B3GAT2: variants seen among roughly 807,000 people sequenced by gnomAD.
The protein encoded by B3GAT2 is galactosylgalactosylxylosylprotein 3-beta-glucuronosyltransferase 2.
A neutral mutation model predicts 27.8 loss-of-function variants in B3GAT2; 26 were observed. That is an observed-to-expected ratio of 0.93 (90% CI 0.68 to 1.30). The LOEUF is 1.30. Among genes scored for constraint, B3GAT2 ranks in the 50% most tolerant of loss-of-function variants. The probability of loss-of-function intolerance (pLI) is 0.00; values close to 1 mark genes in which losing one functional copy is unlikely to be tolerated. For missense variants in B3GAT2, 458 were observed against 459.0 expected (o/e 1.00, Z 0.02); for synonymous variants, 218 against 195.1 (o/e 1.12, Z -0.98).
At chr6:70,872,105 G>T (rs959234435) in intron 2 of B3GAT2, among the ~76,000 whole-genome samples, 1 of 151,846 alleles carries the variant, frequency 6.6e-6, no homozygotes, top group African/African-American at 2.4e-5. Flanking sequence ...CTGCTTTATG[G>T]CCTAAGATGG....
chr6:70,903,553 G>A lies in B3GAT2; in HGVS notation c.592-9281C>T, dbSNP rs191603342. ...AAAAAAGTCAGTGAAAGATATGAAT[G>A]GACATTTCATCAAGATATATGAATG... On this transcript the variant is annotated intron_variant, in intron 1 of 3. Coordinates refer to ENST00000230053, the MANE Select transcript of B3GAT2 (RefSeq NM_080742.3). 4.9e-3 allele frequency among the ~76,000 whole-genome samples: 748 copies of A among 151,708 alleles called. 3 individuals carry two copies. The highest frequency in any genetic ancestry group is 8.1e-3 in the Non-Finnish European group (547 of 67,932).
chr6:70,935,051 T>A (rs1773120897), intron 1 of B3GAT2, among the ~76,000 whole-genome samples: 1 of 152,128 alleles, frequency 6.6e-6, no homozygotes, highest in African/African-American at 2.4e-5. Context: ...TTTGTCATTG[T>A]AGATATGTGT....
chr6:70,870,027 C>G (rs1421617342), intron 2 of B3GAT2, among the ~76,000 whole-genome samples: 1 of 152,190 alleles, frequency 6.6e-6, no homozygotes, highest in East Asian at 1.9e-4. Context: ...TTGACCCAGC[C>G]ATCCCATTAC....
At position 70,956,730 on chromosome 6, in the gene B3GAT2, G is replaced by A. The variant is rs1253843150; in HGVS notation, c.-301C>T. 5 of 1,304,768 alleles carry A rather than the reference G, an allele frequency of 3.8e-6. No homozygotes were observed. Among genetic ancestry groups the A allele is most frequent in the South Asian group, 1.7e-5 (1 of 59,838 alleles). The allele number at this position is 1,304,768 out of a possible 1,614,324, so 80.8% of individuals were successfully genotyped here. ...CCAGCCGCGCGCCGCCGGTCCCGGA[G>A]TTGTGCCGAGTGCGGGAAAGGCGCT... On this transcript the variant is annotated 5_prime_UTR_variant, in exon 1 of 4. Coordinates refer to ENST00000230053, the MANE Select transcript of B3GAT2 (RefSeq NM_080742.3).
chr6:70,870,749 T>G (rs1193409216), intron 2 of B3GAT2, among the ~76,000 whole-genome samples: 1 of 152,164 alleles, frequency 6.6e-6, no homozygotes, highest in Non-Finnish European at 1.5e-5. Flanking sequence ...CTTTACAATC[T>G]GGATGCCTTT....
At chr6:70,904,972 A>G (rs1284212706) in intron 1 of B3GAT2, among the ~76,000 whole-genome samples, 10 of 152,202 alleles carry the variant, frequency 6.6e-5, no homozygotes, top group Admixed American at 6.5e-4. Flanking sequence ...ATTGGATGCA[A>G]AGAGGAAGAC....
At chr6:70,901,561 T>C (rs2150034938) in intron 1 of B3GAT2, among the ~76,000 whole-genome samples, 1 of 152,330 alleles carries the variant, frequency 6.6e-6, no homozygotes, top group East Asian at 1.9e-4. Context: ...AGCAACAAAA[T>C]AAATAATGGT....
intron 2 of B3GAT2, among the ~76,000 whole-genome samples, chr6:70,888,898 G>A (rs1772236282): frequency 6.6e-6 from 1 of 152,176 alleles, no homozygotes; most frequent in Admixed American, 6.5e-5. Context: ...AACTCCCCCA[G>A]TGGCTGTGGT....
intron 1 of B3GAT2, among the ~76,000 whole-genome samples, chr6:70,943,555 C>T (rs1007130529): frequency 6.6e-6 from 1 of 152,062 alleles, no homozygotes; most frequent in Non-Finnish European, 1.5e-5. Flanking sequence ...ATGATACACG[C>T]CTAGGAGACA....
chr6:70,940,796 C>T (rs1024280172), intron 1 of B3GAT2, among the ~76,000 whole-genome samples: 4 of 152,132 alleles, frequency 2.6e-5, no homozygotes, highest in African/African-American at 9.7e-5. Context: ...GGCATGATGG[C>T]TTGCACCTGT....
intron 1 of B3GAT2, among the ~76,000 whole-genome samples, chr6:70,941,442 A>G (rs765980298): frequency 1.3e-5 from 2 of 152,124 alleles, no homozygotes; most frequent in South Asian, 2.1e-4. Flanking sequence ...TGTTACGCCT[A>G]TGTGAGCTCC....
intron 1 of B3GAT2, among the ~76,000 whole-genome samples, chr6:70,895,940 T>C (rs1033743760): frequency 1.3e-5 from 2 of 152,182 alleles, no homozygotes; most frequent in Non-Finnish European, 2.9e-5. Context: ...TTGCAAGGCT[T>C]GCCCTTGGCT....
At chr6:70,895,782 T>G (rs1464853569) in intron 1 of B3GAT2, among the ~76,000 whole-genome samples, 1 of 152,140 alleles carries the variant, frequency 6.6e-6, no homozygotes, top group East Asian at 1.9e-4. Context: ...TATCATTTTT[T>G]CAATAAATGA....
intron 1 of B3GAT2, among the ~76,000 whole-genome samples, chr6:70,945,984 T>C (rs979221417): frequency 1.3e-5 from 2 of 151,486 alleles, no homozygotes; most frequent in African/African-American, 2.4e-5. Context: ...GCTTCATAAG[T>C]GAAGGAGAAA....
intron 1 of B3GAT2, among the ~76,000 whole-genome samples, chr6:70,932,878 C>T (rs1014906509): frequency 1.1e-4 from 17 of 152,062 alleles, no homozygotes; most frequent in African/African-American, 4.1e-4. Context: ...CATAGAGCAC[C>T]ACAACCTCAA....
chr6:70,944,209 G>A (rs895111316), intron 1 of B3GAT2, among the ~76,000 whole-genome samples: 8 of 152,204 alleles, frequency 5.3e-5, no homozygotes, highest in Middle Eastern at 3.4e-3. Context: ...ACTAGGGAGT[G>A]CCAGACAGTG....
At chr6:70,943,975 T>C (rs541747532) in intron 1 of B3GAT2, among the ~76,000 whole-genome samples, 29 of 152,292 alleles carry the variant, frequency 1.9e-4, no homozygotes, top group African/African-American at 6.0e-4. Context: ...ACACAAAAAA[T>C]GATAAAATTG....
At position 70,859,350 on chromosome 6, in the gene B3GAT2, G is replaced by A. The variant is rs1461671791; in HGVS notation, c.*2313C>T. 5.8e-6 allele frequency: 9 copies of A among 1,548,904 alleles called. No homozygotes were observed. The Admixed American group carries it at 9.9e-5, about 17-fold the overall frequency. ...CCAGATAATGCAGAAGGGTGATGCT[G>A]TTCTCCAGCACTCCATCAGTGCAAT... On this transcript the variant is annotated 3_prime_UTR_variant, in exon 4 of 4. Coordinates refer to ENST00000230053, the MANE Select transcript of B3GAT2 (RefSeq NM_080742.3).
intron 1 of B3GAT2, among the ~76,000 whole-genome samples, chr6:70,933,423 G>T (rs1213255574): frequency 6.6e-6 from 1 of 152,090 alleles, no homozygotes; most frequent in Non-Finnish European, 1.5e-5. Context: ...AATGAAAAAT[G>T]AAAATAATTA....
Sources: allele counts gnomAD v4.1 joint callset (sites outside exome capture counted in the v4.1 genomes callset), GRCh38; gene constraint gnomAD v4.1.1; transcripts MANE v1.5; gene names NCBI Gene and HGNC (gene_info 2026-07-23, HGNC 2026-07-21).